GPATCH2: variants seen among roughly 807,000 people sequenced by gnomAD.
The protein encoded by GPATCH2 is G patch domain-containing protein 2.
Under a neutral mutation model 58.0 loss-of-function variants are expected in GPATCH2, and 51 were observed. That is an observed-to-expected ratio of 0.88 (90% CI 0.70 to 1.11). The LOEUF is 1.11. Ranked by LOEUF, GPATCH2 falls within the 50% of genes most tolerant of loss-of-function variation. GPATCH2 has a pLI of 0.00. For synonymous variants in GPATCH2, 222 were observed against 218.5 expected (o/e 1.02, Z -0.14); for missense variants, 625 against 652.2 (o/e 0.96, Z 0.45).
At chr1:217,565,343 T>C (rs150158108) in intron 5 of GPATCH2, among the ~76,000 whole-genome samples, 139 of 152,352 alleles carry the variant, frequency 9.1e-4, no homozygotes, top group African/African-American at 3.1e-3. Flanking sequence ...TTTGTATTTG[T>C]AACTGAATAC....
At chr1:217,461,665 C>G (rs1440798593) in intron 8 of GPATCH2, among the ~76,000 whole-genome samples, 1 of 152,100 alleles carries the variant, frequency 6.6e-6, no homozygotes, top group Non-Finnish European at 1.5e-5. Flanking sequence ...TTACAGAACA[C>G]TACAAAACAT....
In GPATCH2 at chr1:217,604,771, A is replaced by G. The variant is rs1219456601; in HGVS notation, c.1098+5550T>C. 2.0e-5 allele frequency among the ~76,000 whole-genome samples: 3 copies of G among 152,180 alleles called. No individual in the cohort carries two copies. In the East Asian group the frequency reaches 5.8e-4, roughly 29 times the overall value. On this transcript the variant is annotated intron_variant, in intron 5 of 9. Coordinates refer to ENST00000366935, the MANE Select transcript of GPATCH2 (RefSeq NM_018040.5). ...CCTAGTGTGATGGATCATGCCTGTAATCCCAGCACTTTGGGAGGCCGAGGC... is the reference window on the plus strand; with the variant it reads ...CCTAGTGTGATGGATCATGCCTGTAGTCCCAGCACTTTGGGAGGCCGAGGC...
intron 5 of GPATCH2, among the ~76,000 whole-genome samples, chr1:217,530,224 T>C (rs904956621): frequency 1.3e-5 from 2 of 152,194 alleles, no homozygotes; most frequent in Non-Finnish European, 2.9e-5. Context: ...TTCTTAATAA[T>C]GGAAGAGCAC....
intron 5 of GPATCH2, chr1:217,609,286 T>C (rs1432914600): frequency 1.0e-5 from 10 of 985,130 alleles, no homozygotes; most frequent in Non-Finnish European, 1.2e-5. Flanking sequence ...ATTCTAAAGA[T>C]GTACAAGCAG....
chr1:217,431,365 C>T lies in GPATCH2; in HGVS notation c.1367G>A (p.Gly456Glu). The change falls in exon 10 of 10, where the codon GGA (glycine) becomes GAA (glutamate). Residue 456 changes from glycine (G) to glutamate (E), a missense_variant and splice_region_variant. Gly to Glu is a moderately conservative substitution (Grantham distance 98). Transcript: ENST00000366935. ...TGGCTGGGCATTTTCACCTACAAAT[C>T]CTGAAATGATAAAACAACAGCACAC... ...AAPLPGPTTA[G>E]FVGENAQPIL... is the part of the protein sequence containing the mutation. The T allele has an allele frequency of 6.6e-7, 1 of 1,521,742 alleles. No homozygotes were observed. Among genetic ancestry groups the T allele is most frequent in the Non-Finnish European group, 9.1e-7 (1 of 1,095,616 alleles). The allele number at this position is 1,521,742 out of a possible 1,614,324, so 94.3% of individuals were successfully genotyped here. A position where few individuals can be genotyped will look rare whatever the true frequency, so the allele number is the denominator to read the frequency against.
At chr1:217,479,133 G>A (rs996518739) in intron 8 of GPATCH2, among the ~76,000 whole-genome samples, 4 of 152,004 alleles carry the variant, frequency 2.6e-5, no homozygotes, top group Non-Finnish European at 5.9e-5. Flanking sequence ...AAATTCTAAG[G>A]GAGTTTTTCA....
chr1:217,606,447 A>G (rs1571642566), intron 5 of GPATCH2, among the ~76,000 whole-genome samples: 1 of 152,242 alleles, frequency 6.6e-6, no homozygotes, highest in South Asian at 2.1e-4. Context: ...TATTAAATGT[A>G]AAGGCAAATT....
At chr1:217,575,316 C>A (rs1194727221) in intron 5 of GPATCH2, among the ~76,000 whole-genome samples, 1 of 152,060 alleles carries the variant, frequency 6.6e-6, no homozygotes, top group Non-Finnish European at 1.5e-5. Context: ...CATGAAACAG[C>A]CACAGGAATG....
chr1:217,580,017 C>T (rs200855302), intron 5 of GPATCH2, among the ~76,000 whole-genome samples: 1 of 152,050 alleles, frequency 6.6e-6, no homozygotes, highest in South Asian at 2.1e-4. Flanking sequence ...AAGAAAAGTA[C>T]AAAATATGTC....
intron 3 of GPATCH2, 38 bp from the exon 4 acceptor site, chr1:217,611,109 C>T: frequency 3.9e-6 from 6 of 1,546,676 alleles, no homozygotes; most frequent in Non-Finnish European, 5.3e-6. Flanking sequence ...ACCAAAGACT[C>T]AGTTTTATCA....
chr1:217,431,809 G>C lies in GPATCH2; in HGVS notation c.1367-444C>G, dbSNP rs114180313. 6.5e-3 allele frequency among the ~76,000 whole-genome samples: 992 copies of C among 152,144 alleles called. 11 individuals are homozygous for C. Among genetic ancestry groups the C allele is most frequent in the African/African-American group, 0.023 (949 of 41,494 alleles). ...ACCTATATTGTAATATCTCACATTTGCCCATGACCTTGACATTCAACAGAA... is the reference window on the plus strand; with the variant it reads ...ACCTATATTGTAATATCTCACATTTCCCCATGACCTTGACATTCAACAGAA... On this transcript the variant is annotated intron_variant, in intron 9 of 9. Transcript: ENST00000366935.
chr1:217,620,800 C>T (rs985342377), intron 1 of GPATCH2, among the ~76,000 whole-genome samples: 2 of 152,154 alleles, frequency 1.3e-5, no homozygotes, highest in African/African-American at 4.8e-5. Flanking sequence ...CTGTTTAAAT[C>T]CCTATCCGCT....
At chr1:217,463,641 C>CAAAAAAAAAAAAAAAA (rs201402598) in intron 8 of GPATCH2, among the ~76,000 whole-genome samples, 7 of 82,454 alleles carry the variant, frequency 8.5e-5, no homozygotes, top group Non-Finnish European at 1.1e-4. Context: ...CTTATCACTC[C>CAAAAAAAAAAAAAAAA]AAAAAAAAAA....
At chr1:217,472,681 C>T (rs1340029195) in intron 8 of GPATCH2, among the ~76,000 whole-genome samples, 2 of 152,124 alleles carry the variant, frequency 1.3e-5, no homozygotes, top group African/African-American at 4.8e-5. Flanking sequence ...AACAATGTGA[C>T]ATTATTTAGC....
In GPATCH2 at chr1:217,586,454, T is replaced by C. The variant is rs183705643; in HGVS notation, c.1098+23867A>G. On this transcript the variant is annotated intron_variant, in intron 5 of 9. Transcript: ENST00000366935. ...TCCTACACAAGGTGAGAATCATCAATATCACTGTCTTCACCCCCACATCTT... is the reference window on the plus strand; with the variant it reads ...TCCTACACAAGGTGAGAATCATCAACATCACTGTCTTCACCCCCACATCTT... Among the ~76,000 whole-genome samples the C allele has an allele frequency of 8.3e-4, 126 of 152,184 alleles. 1 individual carries two copies. Among genetic ancestry groups the C allele is most frequent in the African/African-American group, 2.9e-3 (122 of 41,540 alleles).
intron 5 of GPATCH2, among the ~76,000 whole-genome samples, chr1:217,516,066 C>A (rs373256478): frequency 5.9e-5 from 9 of 151,384 alleles, no homozygotes; most frequent in African/African-American, 1.7e-4. Flanking sequence ...AATTTAAAAT[C>A]TAAAGTAAGC....
chr1:217,629,334 A>G (rs1448531406), intron 1 of GPATCH2, among the ~76,000 whole-genome samples: 1 of 152,170 alleles, frequency 6.6e-6, no homozygotes, highest in Non-Finnish European at 1.5e-5. Flanking sequence ...CAAAAATACT[A>G]AGTGCTACCA....
intron 8 of GPATCH2, among the ~76,000 whole-genome samples, chr1:217,476,556 G>A (rs186468586): frequency 7.2e-5 from 11 of 152,196 alleles, no homozygotes; most frequent in Non-Finnish European, 1.5e-4. Context: ...ATGAAAGCAC[G>A]TCTATGCTCT....
rs181635909 is a variant in GPATCH2 at position 217,576,737 on chromosome 1, G to A, written c.1098+33584C>T. On this transcript the variant is annotated intron_variant, in intron 5 of 9. Transcript: ENST00000366935. Reference sequence around the variant, plus strand: ...ACTCATGACATGATCGCACCAGTACGGATTTGGAATTCTATTAGTATTACC... The same window carrying A: ...ACTCATGACATGATCGCACCAGTACAGATTTGGAATTCTATTAGTATTACC... 7.2e-5 allele frequency among the ~76,000 whole-genome samples: 11 copies of A among 152,170 alleles called. No individual in the cohort carries two copies. In the East Asian group the frequency reaches 1.7e-3, roughly 24 times the overall value.
Sources: allele counts gnomAD v4.1 joint callset (sites outside exome capture counted in the v4.1 genomes callset), GRCh38; gene constraint gnomAD v4.1.1; transcripts MANE v1.5; gene names NCBI Gene and HGNC (gene_info 2026-07-23, HGNC 2026-07-21).